The following SGCZ variants were observed in gnomAD, a reference collection of about 807,000 sequenced individuals.
SGCZ encodes the protein sarcoglycan zeta.
In SGCZ, 40 loss-of-function variants were observed where a neutral mutation model predicts 41.3. That is an observed-to-expected ratio of 0.97 (90% CI 0.75 to 1.26). The LOEUF (loss-of-function observed/expected upper bound fraction) is 1.26, where lower values mean the gene tolerates loss of function less well. SGCZ is among the 50% of genes most tolerant of loss of function. The pLI, the probability that SGCZ is intolerant of heterozygous loss-of-function variation, is 0.00. For missense variants in SGCZ, 552 were observed against 369.8 expected (o/e 1.49, Z -4.04); for synonymous variants, 206 against 137.5 (o/e 1.50, Z -3.49).
At chr8:14,890,782 G>A (rs1277093329) in intron 1 of SGCZ, among the ~76,000 whole-genome samples, 1 of 152,168 alleles carries the variant, frequency 6.6e-6, no homozygotes, top group Non-Finnish European at 1.5e-5. Context: ...TGGCCTCTAA[G>A]CTTCAAAGGA....
At chr8:14,478,461 C>T (rs1801425920) in intron 2 of SGCZ, among the ~76,000 whole-genome samples, 1 of 152,146 alleles carries the variant, frequency 6.6e-6, no homozygotes, top group South Asian at 2.1e-4. Context: ...ATTCCAACTA[C>T]ATGACATTCC....
At chr8:15,071,365 ATAAC>A (rs1191443082) in intron 1 of SGCZ, among the ~76,000 whole-genome samples, 5 of 152,178 alleles carry the variant, frequency 3.3e-5, no homozygotes, top group African/African-American at 1.2e-4. Flanking sequence ...ATCCTTAATA[ATAAC>A]TCATAAGAAA....
At chr8:14,239,490 G>A (rs185151124) in intron 3 of SGCZ, among the ~76,000 whole-genome samples, 15 of 152,148 alleles carry the variant, frequency 9.9e-5, no homozygotes, top group Admixed American at 3.3e-4. Context: ...GTTTGGTTTA[G>A]AGTTTTAAAA....
At position 14,436,301 on chromosome 8, in the gene SGCZ, G is replaced by A. The variant is rs138999253; in HGVS notation, c.235-112097C>T. Among the ~76,000 whole-genome samples the A allele has an allele frequency of 1.3e-3, 197 of 152,276 alleles. 1 individual carries two copies. Among genetic ancestry groups the A allele is most frequent in the African/African-American group, 4.5e-3 (185 of 41,558 alleles). On this transcript the variant is annotated intron_variant, in intron 2 of 7. Coordinates refer to ENST00000382080, the MANE Select transcript of SGCZ (RefSeq NM_139167.4). ...AAGGAGAGGACAGATCTGTAAGAGC[G>A]AAGAATAATATTCAGCGCATATTAA... is the stretch of plus-strand genomic sequence containing the variant.
At position 14,258,914 on chromosome 8, in the gene SGCZ, A is replaced by C. The variant is rs555029427; in HGVS notation, c.337-21235T>G. On this transcript the variant is annotated intron_variant, in intron 3 of 7. Coordinates refer to ENST00000382080, the MANE Select transcript of SGCZ (RefSeq NM_139167.4). ...CTTCCAAAAATAATTAGACATTATA[A>C]ATTATGTAGCATACAGGCAAAGGCA... Among the ~76,000 whole-genome samples, 13 of 152,296 alleles carry C rather than the reference A, an allele frequency of 8.5e-5. No individual in the cohort carries two copies. In the East Asian group the frequency reaches 2.5e-3, roughly 29 times the overall value.
chr8:14,849,030 T>C (rs1047186907), intron 1 of SGCZ, among the ~76,000 whole-genome samples: 2 of 152,072 alleles, frequency 1.3e-5, no homozygotes, highest in African/African-American at 4.8e-5. Flanking sequence ...TGTGAACAGA[T>C]TGTTCACCAA....
chr8:15,202,846 C>A (rs1368370751), intron 1 of SGCZ, among the ~76,000 whole-genome samples: 1 of 152,120 alleles, frequency 6.6e-6, no homozygotes, highest in African/African-American at 2.4e-5. Context: ...CCTGGTGGCT[C>A]ACACCTATAA....
intron 5 of SGCZ, among the ~76,000 whole-genome samples, chr8:14,142,987 T>C (rs1396791552): frequency 7.2e-6 from 1 of 139,370 alleles, no homozygotes; most frequent in African/African-American, 2.7e-5. Flanking sequence ...TAAAACGTTT[T>C]TCTTTATAAA....
intron 1 of SGCZ, among the ~76,000 whole-genome samples, chr8:14,983,142 T>C (rs950726195): frequency 2.6e-5 from 4 of 152,100 alleles, no homozygotes; most frequent in African/African-American, 9.7e-5. Flanking sequence ...TACCTGCTGG[T>C]GCTTATTTCA....
intron 1 of SGCZ, among the ~76,000 whole-genome samples, chr8:14,718,546 C>T (rs1177517636): frequency 6.6e-6 from 1 of 152,036 alleles, no homozygotes; most frequent in Non-Finnish European, 1.5e-5. Context: ...CAACTAATGG[C>T]TGTGGACGCA....
chr8:14,922,839 T>A (rs1324302393), intron 1 of SGCZ, among the ~76,000 whole-genome samples: 1 of 152,182 alleles, frequency 6.6e-6, no homozygotes, highest in Admixed American at 6.5e-5. Flanking sequence ...AAATACTCAG[T>A]TACAAAAATC....
chr8:15,180,916 G>C (rs13269086), intron 1 of SGCZ, among the ~76,000 whole-genome samples: 52,012 of 151,180 alleles, frequency 0.34, 11,589 homozygotes, highest in Non-Finnish European at 0.47. Flanking sequence ...AAAAAGACAG[G>C]ATACCAGCAC....
intron 1 of SGCZ, among the ~76,000 whole-genome samples, chr8:14,558,893 C>T (rs1262248881): frequency 6.6e-6 from 1 of 151,894 alleles, no homozygotes; most frequent in Non-Finnish European, 1.5e-5. Context: ...ATAATCATCC[C>T]AATAGAGGCA....
At chr8:15,161,496 T>G (rs1799511149) in intron 1 of SGCZ, among the ~76,000 whole-genome samples, 1 of 152,190 alleles carries the variant, frequency 6.6e-6, no homozygotes, top group African/African-American at 2.4e-5. Context: ...GTATGTGTTT[T>G]GCCTACTTCT....
At chr8:14,650,301 C>G (rs1168442219) in intron 1 of SGCZ, among the ~76,000 whole-genome samples, 1 of 152,034 alleles carries the variant, frequency 6.6e-6, no homozygotes, top group Non-Finnish European at 1.5e-5. Context: ...TCATCCTAAG[C>G]TAGGCTGGAG....
At chr8:15,139,198 C>A (rs1306189833) in intron 1 of SGCZ, among the ~76,000 whole-genome samples, 2 of 152,190 alleles carry the variant, frequency 1.3e-5, no homozygotes, top group South Asian at 4.1e-4. Flanking sequence ...AACCAAATTT[C>A]CCTAATACAA....
intron 6 of SGCZ, among the ~76,000 whole-genome samples, chr8:14,104,849 G>A (rs1185245706): frequency 2.0e-5 from 3 of 152,052 alleles, no homozygotes; most frequent in African/African-American, 7.2e-5. Context: ...TGAGAATTAT[G>A]AAAAGATGCC....
rs373581153 is a variant in SGCZ, at chr8:14,963,403, A to G, written c.39+274182T>C. On this transcript the variant is annotated intron_variant, in intron 1 of 7. Coordinates refer to ENST00000382080, the MANE Select transcript of SGCZ (RefSeq NM_139167.4). The stretch of plus-strand genomic sequence containing the variant: ...GCCGAGCCTGGAGTCCAGCGGCACA[A>G]TCTTGGCTCACTGCATCCTGCGCCT... 2.5e-4 allele frequency among the ~76,000 whole-genome samples: 38 copies of G among 151,864 alleles called. No individual in the cohort carries two copies. The South Asian group carries it at 3.5e-3, about 14-fold the overall frequency.
chr8:14,718,359 A>G (rs907881524), intron 1 of SGCZ, among the ~76,000 whole-genome samples: 4 of 152,070 alleles, frequency 2.6e-5, no homozygotes, highest in Non-Finnish European at 4.4e-5. Flanking sequence ...GGAAAAGTAG[A>G]CAGAAAGCAA....
Sources: gnomAD v4.1 joint callset for allele counts (sites outside exome capture counted in the v4.1 genomes callset) on GRCh38, gnomAD v4.1.1 for gene constraint, MANE v1.5 for transcripts, NCBI Gene and HGNC (gene_info 2026-07-23, HGNC 2026-07-21) for gene names.